ADGRD1: variants seen among roughly 807,000 people sequenced by gnomAD.
ADGRD1 encodes adhesion G protein-coupled receptor D1.
Under a neutral mutation model 113.4 loss-of-function variants are expected in ADGRD1, and 77 were observed. The observed-to-expected ratio is 0.68, with a 90% CI of 0.57 to 0.82. The LOEUF is 0.82. Among genes scored for constraint, ADGRD1 ranks in the 40% least tolerant of loss-of-function variants. The pLI is 0.00. For synonymous variants in ADGRD1, 474 were observed against 475.0 expected (o/e 1.00, Z 0.03); for missense variants, 1,036 against 1,139.1 (o/e 0.91, Z 1.30).
chr12:131,055,151 A>T (rs576561720), intron 13 of ADGRD1, among the ~76,000 whole-genome samples: 22 of 152,180 alleles, frequency 1.4e-4, no homozygotes, highest in Non-Finnish European at 2.5e-4. Context: ...TTTGAAATAG[A>T]CCAAAAAGAT....
chr12:131,038,750 A>T (rs1191260239), intron 13 of ADGRD1, among the ~76,000 whole-genome samples: 1 of 152,188 alleles, frequency 6.6e-6, no homozygotes, highest in African/African-American at 2.4e-5. Flanking sequence ...AGGTAGGCTG[A>T]CCTTTGACAT....
At chr12:131,097,815 G>C (rs962066964) in intron 15 of ADGRD1, among the ~76,000 whole-genome samples, 10 of 152,238 alleles carry the variant, frequency 6.6e-5, no homozygotes, top group Admixed American at 2.0e-4. Context: ...GGGCTGGTGT[G>C]GGGGTGGAGT....
Position 131,140,627 on chromosome 12 carries a change from C to T in ADGRD1, c.*1364C>T, listed in dbSNP as rs1951220907. The T allele has an allele frequency of 6.6e-6, 1 of 152,280 alleles. No homozygotes were observed. The highest frequency in any genetic ancestry group is 2.4e-5 in the African/African-American group (1 of 41,458). 9.4% of individuals were successfully genotyped at this position (152,280 alleles called of 1,614,324 possible). On this transcript the variant is annotated 3_prime_UTR_variant, in exon 25 of 25. Coordinates refer to ENST00000261654, the MANE Select transcript of ADGRD1 (RefSeq NM_198827.5). ...TGACCATGATTTCATTCAGCCCCTC[C>T]ACACCCCTATGTCTGCCTTGTTTCA...
At chr12:131,093,842 TCA>T (rs1403440784) in intron 15 of ADGRD1, among the ~76,000 whole-genome samples, 3 of 152,192 alleles carry the variant, frequency 2.0e-5, no homozygotes, top group Non-Finnish European at 2.9e-5. Context: ...GCTCTGAGCC[TCA>T]GTTTCCCCGC....
intron 18 of ADGRD1, among the ~76,000 whole-genome samples, chr12:131,112,179 C>T (rs181472992): frequency 4.0e-4 from 61 of 152,288 alleles, no homozygotes; most frequent in Non-Finnish European, 6.6e-4. Flanking sequence ...CCTCTGACAT[C>T]ACTCCCCAGA....
At chr12:130,963,319 C>CAAAA (rs61220467) in intron 2 of ADGRD1, among the ~76,000 whole-genome samples, 24 of 74,982 alleles carry the variant, frequency 3.2e-4, no homozygotes, top group African/African-American at 1.2e-3. Context: ...GACTCCGTCT[C>CAAAA]AAAAAAAAAA....
chr12:131,080,990 A>G (rs1886028333), intron 14 of ADGRD1, among the ~76,000 whole-genome samples: 1 of 152,164 alleles, frequency 6.6e-6, no homozygotes, highest in African/African-American at 2.4e-5. Flanking sequence ...TAGGATTGTT[A>G]TGTCTTCTTG....
In ADGRD1 at chr12:130,971,931, G is replaced by A. The variant is rs550286379; in HGVS notation, c.310+351G>A. ...TTGTGGGAAGGAAATTGATGGCATG[G>A]CACCTGCAGTGTGATTTCTGGCTCT... On this transcript the variant is annotated intron_variant, in intron 4 of 24. Coordinates refer to ENST00000261654, the MANE Select transcript of ADGRD1 (RefSeq NM_198827.5). The surrounding 1 kb of genome is among the most constrained non-coding windows in gnomAD (Gnocchi z 4.2). 2.6e-5 allele frequency among the ~76,000 whole-genome samples: 4 copies of A among 152,292 alleles called. No individual in the cohort carries two copies. In the South Asian group the frequency reaches 8.3e-4, roughly 32 times the overall value.
At chr12:131,118,993 C>T (rs1301249156) in intron 19 of ADGRD1, among the ~76,000 whole-genome samples, 5 of 152,108 alleles carry the variant, frequency 3.3e-5, no homozygotes, top group Admixed American at 3.3e-4. Flanking sequence ...AAATGCAGCT[C>T]ATGGGTCCAC....
At chr12:131,036,254 G>C (rs554602850) in intron 13 of ADGRD1, among the ~76,000 whole-genome samples, 1 of 151,248 alleles carries the variant, frequency 6.6e-6, no homozygotes, top group Non-Finnish European at 1.5e-5. Flanking sequence ...ACTCACTGCA[G>C]TGAGTCTCAC....
rs575669969 is a variant in ADGRD1 at position 131,118,788 on chromosome 12, G to A, written c.2108+337G>A. On this transcript the variant is annotated intron_variant, in intron 19 of 24. Coordinates refer to ENST00000261654, the MANE Select transcript of ADGRD1 (RefSeq NM_198827.5). The stretch of plus-strand genomic sequence containing the variant: ...GGTCATCCACGGAGGCTGAATTGTG[G>A]CCCTTTCACCCTTTCTTGGGGTGGC... Among the ~76,000 whole-genome samples the A allele has an allele frequency of 3.5e-4, 53 of 152,330 alleles. No individual in the cohort carries two copies. The South Asian group carries it at 0.011, about 30-fold the overall frequency.
intron 13 of ADGRD1, among the ~76,000 whole-genome samples, chr12:131,072,198 G>A (rs957354413): frequency 3.9e-5 from 6 of 151,912 alleles, no homozygotes; most frequent in African/African-American, 1.5e-4. Context: ...CTTCTCAAAC[G>A]GGACTCCTGA....
intron 20 of ADGRD1, among the ~76,000 whole-genome samples, chr12:131,130,369 A>G (rs997259780): frequency 1.3e-5 from 2 of 152,182 alleles, no homozygotes; most frequent in Non-Finnish European, 2.9e-5. Flanking sequence ...AGGAGGGAAC[A>G]GTTGGGGTGC....
chr12:130,992,694 C>T (rs978087783), intron 8 of ADGRD1, among the ~76,000 whole-genome samples: 1 of 152,242 alleles, frequency 6.6e-6, no homozygotes, highest in Non-Finnish European at 1.5e-5. Flanking sequence ...AACTCCTAGA[C>T]TAAATAAACT....
intron 20 of ADGRD1, among the ~76,000 whole-genome samples, chr12:131,124,076 G>A (rs190738520): frequency 4.4e-4 from 67 of 152,352 alleles, no homozygotes; most frequent in African/African-American, 1.5e-3. Flanking sequence ...GGGCCAGGGG[G>A]TGCCGTGGAG....
chr12:131,108,710 T>C lies in ADGRD1; in HGVS notation c.1888-14T>C. 1 of 1,614,098 alleles carries C rather than the reference T, an allele frequency of 6.2e-7. No homozygotes were observed. The highest frequency in any genetic ancestry group is 8.5e-7 in the Non-Finnish European group (1 of 1,179,996). On this transcript the variant is annotated splice_polypyrimidine_tract_variant and intron_variant, in intron 17 of 24. Transcript: ENST00000261654. ...CCAGAGCTGTCTCACTTCCCATCTCTGGTTAAATCCTAGACCCCCTGCCAA... is the reference window on the plus strand; with the variant it reads ...CCAGAGCTGTCTCACTTCCCATCTCCGGTTAAATCCTAGACCCCCTGCCAA...
At position 131,140,523 on chromosome 12, in the gene ADGRD1, T is replaced by C. The variant is rs1338475994; in HGVS notation, c.*1260T>C. 2 of 152,022 alleles carry C rather than the reference T, an allele frequency of 1.3e-5. No individual in the cohort carries two copies. Among genetic ancestry groups the C allele is most frequent in the African/African-American group, 4.8e-5 (2 of 41,372 alleles). The allele number at this position is 152,022 out of a possible 1,614,324, so 9.4% of individuals were successfully genotyped here. A position where few individuals can be genotyped will look rare whatever the true frequency, so the allele number is the denominator to read the frequency against. On this transcript the variant is annotated 3_prime_UTR_variant, in exon 25 of 25. Coordinates refer to ENST00000261654, the MANE Select transcript of ADGRD1 (RefSeq NM_198827.5). ...GGCTGTGAGGTTCATACTGTGCTGATAGCACTCGTGGTGTCTGTGAAATGT... is the reference window on the plus strand; with the variant it reads ...GGCTGTGAGGTTCATACTGTGCTGACAGCACTCGTGGTGTCTGTGAAATGT...
Position 131,140,779 on chromosome 12 carries a change from G to C in ADGRD1, c.*1516G>C, listed in dbSNP as rs1422099094. On this transcript the variant is annotated 3_prime_UTR_variant, in exon 25 of 25. Coordinates refer to ENST00000261654, the MANE Select transcript of ADGRD1 (RefSeq NM_198827.5). ...GGCCTCTCCTGCATGGGGAGGGTAG[G>C]CAGGGAGCAGCATGTCTGCAGGGGT... is the stretch of plus-strand genomic sequence containing the variant. 6.6e-6 allele frequency: 1 copy of C among 152,248 alleles called. No homozygotes were observed. Among genetic ancestry groups the C allele is most frequent in the Admixed American group, 6.5e-5 (1 of 15,288 alleles). The allele number at this position is 152,248 out of a possible 1,614,324, so 9.4% of individuals were successfully genotyped here.
intron 15 of ADGRD1, among the ~76,000 whole-genome samples, chr12:131,094,389 G>T (rs1020380666): frequency 1.3e-5 from 2 of 152,172 alleles, no homozygotes; most frequent in Non-Finnish European, 2.9e-5. Context: ...CATAAGGAAG[G>T]TTCAGTCCTG....
Sources: gnomAD v4.1 joint callset for allele counts (sites outside exome capture counted in the v4.1 genomes callset) on GRCh38, gnomAD v4.1.1 for gene constraint, Gnocchi (gnomAD v3.1) non-coding constraint, MANE v1.5 for transcripts, NCBI Gene and HGNC (gene_info 2026-07-23, HGNC 2026-07-21) for gene names.